The following IMPG1 variants were observed in gnomAD, a reference collection of about 807,000 sequenced individuals.
The protein encoded by IMPG1 is interphotoreceptor matrix proteoglycan of 150 kDa.
Under a neutral mutation model 92.0 loss-of-function variants are expected in IMPG1, and 85 were observed. The ratio of observed to expected loss-of-function variants is 0.92; its 90% CI spans 0.78 to 1.11. The LOEUF is 1.11. IMPG1 is among the 50% of genes least tolerant of loss of function. IMPG1 has a pLI of 0.00. For synonymous variants in IMPG1, 367 were observed against 334.1 expected, an observed-to-expected ratio of 1.10 and a Z score of -1.08; for missense variants, 1,022 against 956.0, an observed-to-expected ratio of 1.07 and a Z score of -0.91.
At chr6:76,012,921 T>A (rs1783213546) in intron 7 of IMPG1, among the ~76,000 whole-genome samples, 1 of 152,082 alleles carries the variant, frequency 6.6e-6, no homozygotes, top group Non-Finnish European at 1.5e-5. Context: ...AAGCGCAGCA[T>A]CCCTAGATAC....
chr6:76,057,989 T>C (rs1290444890), intron 1 of IMPG1, among the ~76,000 whole-genome samples: 1 of 151,926 alleles, frequency 6.6e-6, no homozygotes, highest in African/African-American at 2.4e-5. Context: ...TAAAATAAAA[T>C]AAAATAATAA....
intron 12 of IMPG1, among the ~76,000 whole-genome samples, chr6:75,964,520 T>C (rs1782269281): frequency 6.6e-6 from 1 of 151,562 alleles, no homozygotes; most frequent in Admixed American, 6.6e-5. Flanking sequence ...CTTCTAAAAA[T>C]ACAAAGATTA....
At chr6:75,946,964 C>T (rs189457595) in intron 14 of IMPG1, among the ~76,000 whole-genome samples, 60 of 152,098 alleles carry the variant, frequency 3.9e-4, no homozygotes, top group African/African-American at 1.4e-3. Context: ...TGAGAAAGTG[C>T]TTTTGACTTC....
At chr6:76,025,089 T>C in intron 5 of IMPG1, 105 bp downstream of exon 5, 1 of 730,828 alleles carries the variant, frequency 1.4e-6, no homozygotes, top group Non-Finnish European at 2.4e-6. Flanking sequence ...TTTGAGAAAG[T>C]ACATTATAAA....
chr6:75,965,853 C>T (rs763735829), intron 12 of IMPG1, among the ~76,000 whole-genome samples: 20 of 152,026 alleles, frequency 1.3e-4, no homozygotes, highest in Admixed American at 2.6e-4. Flanking sequence ...GTGATCTGCC[C>T]GCCTTGGCCT....
intron 12 of IMPG1, among the ~76,000 whole-genome samples, chr6:75,968,506 C>T (rs2149464463): frequency 6.6e-6 from 1 of 151,766 alleles, no homozygotes; most frequent in East Asian, 1.9e-4. Flanking sequence ...TGCTAAATAC[C>T]TCTTTCTTTT....
intron 14 of IMPG1, among the ~76,000 whole-genome samples, chr6:75,939,078 A>G (rs1000901395): frequency 6.6e-6 from 1 of 152,122 alleles, no homozygotes; most frequent in Non-Finnish European, 1.5e-5. Context: ...GGCTCAAGCA[A>G]TCCACCTGCC....
intron 12 of IMPG1, among the ~76,000 whole-genome samples, chr6:75,960,653 A>T (rs1421367744): frequency 1.3e-5 from 2 of 152,102 alleles, no homozygotes; most frequent in Non-Finnish European, 2.9e-5. Context: ...TATTATCCAA[A>T]CCTTATCACT....
intron 12 of IMPG1, among the ~76,000 whole-genome samples, chr6:75,971,235 G>A (rs1352903584): frequency 2.0e-5 from 3 of 149,398 alleles, no homozygotes; most frequent in Admixed American, 6.8e-5. Flanking sequence ...ACCAAACACC[G>A]CATGTTCTCA....
At chr6:75,938,260 G>A (rs972670780) in intron 14 of IMPG1, among the ~76,000 whole-genome samples, 2 of 152,162 alleles carry the variant, frequency 1.3e-5, no homozygotes, top group African/African-American at 4.8e-5. Flanking sequence ...GAGTTCACAT[G>A]CTGATCTGAA....
chr6:76,053,062 A>C, intron 1 of IMPG1, among the ~76,000 whole-genome samples: 1 of 152,170 alleles, frequency 6.6e-6, no homozygotes, highest in Admixed American at 6.6e-5. Context: ...ACTCCTAATC[A>C]TCTCATCTTT....
chr6:76,044,555 C>T (rs966740544), intron 1 of IMPG1, among the ~76,000 whole-genome samples: 1 of 152,170 alleles, frequency 6.6e-6, no homozygotes, highest in Non-Finnish European at 1.5e-5. Context: ...TAATGTTATG[C>T]CCTGTAGAAC....
rs760522460 is a variant in IMPG1 at position 76,018,827 on chromosome 6, T to C, written c.698A>G (p.Glu233Gly). Residue 233 changes from glutamate (E) to glycine (G), a missense_variant, in exon 7 of 17, where the codon GAG becomes GGG. Physicochemically the swap from Glu to Gly is moderately conservative, Grantham distance 98 (BLOSUM62 -2). This residue lies in a region of IMPG1 where 681 missense variants were observed against 583.6 expected (regional missense o/e 1.17). Transcript: ENST00000369950. ...AGAGACGCTGAGCTCCACCCTCTGCTCCTCCAACACAGCGAATTCTGTTTC... is the reference window on the plus strand; with the variant it reads ...AGAGACGCTGAGCTCCACCCTCTGCCCCTCCAACACAGCGAATTCTGTTTC... ...ERETEFAVLE[E>G]QRVELSVSLV... 5.6e-6 allele frequency: 9 copies of C among 1,608,240 alleles called. No homozygotes were observed. Among genetic ancestry groups the C allele is most frequent in the Non-Finnish European group, 6.8e-6 (8 of 1,177,830 alleles).
intron 14 of IMPG1, among the ~76,000 whole-genome samples, chr6:75,932,990 C>T (rs994377711): frequency 3.3e-5 from 5 of 152,134 alleles, no homozygotes; most frequent in African/African-American, 7.2e-5. Flanking sequence ...CGTGAGCCAC[C>T]GCGCCTGGTC....
chr6:76,007,182 T>C (rs144840954), intron 9 of IMPG1, among the ~76,000 whole-genome samples: 406 of 152,316 alleles, frequency 2.7e-3, no homozygotes, highest in Middle Eastern at 0.01. Context: ...AAATAAATTA[T>C]GCTTGCAGCA....
At chr6:75,982,472 G>T (rs1404574760) in intron 12 of IMPG1, among the ~76,000 whole-genome samples, 1 of 151,534 alleles carries the variant, frequency 6.6e-6, no homozygotes, top group Non-Finnish European at 1.5e-5. Flanking sequence ...CCCGGGAGGC[G>T]GAGGTTGCAG....
At chr6:76,051,791 C>G (rs185972428) in intron 1 of IMPG1, among the ~76,000 whole-genome samples, 1 of 152,086 alleles carries the variant, frequency 6.6e-6, no homozygotes, top group African/African-American at 2.4e-5. Flanking sequence ...TCTCTTATCT[C>G]AAATAATTAG....
At chr6:75,974,476 T>C (rs543453321) in intron 12 of IMPG1, among the ~76,000 whole-genome samples, 159 of 137,904 alleles carry the variant, frequency 1.2e-3, no homozygotes, top group Non-Finnish European at 1.9e-3. Context: ...TCTTTCTTTT[T>C]CTTTTCTTTT....
At chr6:76,016,791 G>A (rs1375513065) in intron 7 of IMPG1, among the ~76,000 whole-genome samples, 1 of 152,164 alleles carries the variant, frequency 6.6e-6, no homozygotes, top group Non-Finnish European at 1.5e-5. Flanking sequence ...AACAATTACT[G>A]AGTAGTTAAC....
Sources: allele counts gnomAD v4.1 joint callset (sites outside exome capture counted in the v4.1 genomes callset), GRCh38; gene constraint gnomAD v4.1.1; regional missense constraint gnomAD v4.1.1; transcripts MANE v1.5; gene names NCBI Gene and HGNC (gene_info 2026-07-23, HGNC 2026-07-21).